The following TAF3 variants were observed in gnomAD, a reference collection of about 807,000 sequenced individuals.
TAF3 encodes the protein TATA-box binding protein associated factor 3.
Under a neutral mutation model 80.6 loss-of-function variants are expected in TAF3, and 7 were observed. That is an observed-to-expected ratio of 0.09 (90% CI 0.05 to 0.16). TAF3 has a LOEUF of 0.16. Ranked by LOEUF, TAF3 falls within the 10% of genes least tolerant of loss-of-function variation. TAF3 has a pLI of 1.00. For synonymous variants in TAF3, 444 were observed against 446.1 expected (o/e 1.00, Z 0.06); for missense variants, 921 against 1,140.2 (o/e 0.81, Z 2.77).
At chr10:7,869,166 A>G (rs1837242321) in intron 2 of TAF3, among the ~76,000 whole-genome samples, 1 of 152,212 alleles carries the variant, frequency 6.6e-6, no homozygotes, top group Non-Finnish European at 1.5e-5. Context: ...TTTAAAATGT[A>G]GATAAAAAAT....
At chr10:7,952,154 A>G (rs998271845) in intron 2 of TAF3, among the ~76,000 whole-genome samples, 6 of 152,202 alleles carry the variant, frequency 3.9e-5, no homozygotes, top group African/African-American at 1.4e-4. Flanking sequence ...TACATCCTGG[A>G]TATGGAATCT....
chr10:7,853,183 ATAAT>A (rs1837045851), intron 2 of TAF3, among the ~76,000 whole-genome samples: 1 of 152,170 alleles, frequency 6.6e-6, no homozygotes, highest in Non-Finnish European at 1.5e-5. Context: ...ATATAAACTT[ATAAT>A]TAAATAAATT....
At position 7,953,991 on chromosome 10, in the gene TAF3, G is replaced by A. The variant is rs768039805; in HGVS notation, c.410-9929G>A. Among the ~76,000 whole-genome samples, 43 of 141,548 alleles carry A rather than the reference G, an allele frequency of 3.0e-4. 3 individuals are homozygous for A. The highest frequency in any genetic ancestry group is 1.8e-3 in the South Asian group (7 of 3,964). The allele number at this position is 141,548 out of a possible 152,430, so 92.9% of individuals were successfully genotyped here. A position where few individuals can be genotyped will look rare whatever the true frequency, so the allele number is the denominator to read the frequency against. On this transcript the variant is annotated intron_variant, in intron 2 of 6. Transcript: ENST00000344293. ...CAGAGTGCACTCCACAGGTGAATGAGTGGATTAGTCCTAGTTAACACAGAG... is the reference window on the plus strand; with the variant it reads ...CAGAGTGCACTCCACAGGTGAATGAATGGATTAGTCCTAGTTAACACAGAG...
At chr10:8,012,093 C>G (rs1832061581) in intron 5 of TAF3, among the ~76,000 whole-genome samples, 2 of 152,116 alleles carry the variant, frequency 1.3e-5, no homozygotes, top group African/African-American at 2.4e-5. Flanking sequence ...GGGAAGATCA[C>G]CTGAGCCTAC....
rs1200247353 is a variant in TAF3 at position 8,009,049 on chromosome 10, A to G, written c.2316-29A>G. ...TTGGTTCGATGATGATCCTGTTTTGACTTTTACCTTCTCTTCTTTTGTTGA... is the reference window on the plus strand; with the variant it reads ...TTGGTTCGATGATGATCCTGTTTTGGCTTTTACCTTCTCTTCTTTTGTTGA... On this transcript the variant is annotated intron_variant, in intron 4 of 6. Coordinates refer to ENST00000344293, the MANE Select transcript of TAF3 (RefSeq NM_031923.4). This position sits in a 1 kb window ranked among gnomAD's most constrained non-coding sequence, Gnocchi z 4.1. 6.3e-7 allele frequency: 1 copy of G among 1,583,378 alleles called. No individual in the cohort carries two copies.
intron 2 of TAF3, among the ~76,000 whole-genome samples, chr10:7,952,018 A>G (rs1838087484): frequency 6.6e-6 from 1 of 152,218 alleles, no homozygotes; most frequent in Non-Finnish European, 1.5e-5. Flanking sequence ...ACAGAACAAT[A>G]CTATTGTCTG....
chr10:8,000,375 C>G (rs752150705), intron 4 of TAF3, among the ~76,000 whole-genome samples: 20 of 152,018 alleles, frequency 1.3e-4, no homozygotes, highest in Non-Finnish European at 2.4e-4. Context: ...TGTTGGCCTC[C>G]CAAAGTGCTG....
Position 8,015,843 on chromosome 10 carries a change from G to A in TAF3, c.*1092G>A, listed in dbSNP as rs1207962303. 6.7e-6 allele frequency: 1 copy of A among 150,144 alleles called. No individual in the cohort carries two copies. Among genetic ancestry groups the A allele is most frequent in the East Asian group, 1.9e-4 (1 of 5,146 alleles). 9.3% of individuals were successfully genotyped at this position (150,144 alleles called of 1,614,324 possible). A position where few individuals can be genotyped will look rare whatever the true frequency, so the allele number is the denominator to read the frequency against. On this transcript the variant is annotated 3_prime_UTR_variant, in exon 7 of 7. Transcript: ENST00000344293. ...CAGACTTTTACTAAAAGGACATGTA[G>A]TTTCCATGAAAGTAAAAAAAAAAAA...
chr10:7,881,731 G>T (rs1337724471), intron 2 of TAF3, among the ~76,000 whole-genome samples: 1 of 152,200 alleles, frequency 6.6e-6, no homozygotes, highest in Non-Finnish European at 1.5e-5. Flanking sequence ...GAAGTGATGT[G>T]TAGCAGAAAG....
chr10:7,876,210 T>C (rs1174469228), intron 2 of TAF3, among the ~76,000 whole-genome samples: 1 of 152,154 alleles, frequency 6.6e-6, no homozygotes, highest in Non-Finnish European at 1.5e-5. Context: ...TCGACTATTT[T>C]AGTAAGAGAA....
At chr10:7,962,134 A>G (rs1246747137) in intron 2 of TAF3, among the ~76,000 whole-genome samples, 2 of 152,186 alleles carry the variant, frequency 1.3e-5, no homozygotes, top group Non-Finnish European at 2.9e-5. Context: ...TACAGGCATG[A>G]GCCACCATGC....
intron 2 of TAF3, among the ~76,000 whole-genome samples, chr10:7,876,928 C>T (rs999497188): frequency 6.6e-6 from 1 of 152,018 alleles, no homozygotes; most frequent in Non-Finnish European, 1.5e-5. Context: ...GATTTGCTGC[C>T]TTTATCTTTA....
intron 2 of TAF3, among the ~76,000 whole-genome samples, chr10:7,864,950 TG>T (rs959090823): frequency 1.3e-5 from 2 of 152,108 alleles, no homozygotes; most frequent in African/African-American, 4.8e-5. Flanking sequence ...TTTGGGTGGC[TG>T]GGGTGGGTGG....
intron 2 of TAF3, among the ~76,000 whole-genome samples, chr10:7,843,009 A>T (rs1836933520): frequency 6.6e-6 from 1 of 152,216 alleles, no homozygotes; most frequent in South Asian, 2.1e-4. Context: ...CATGCTTTGC[A>T]CCTGCTAGGG....
chr10:7,986,274 G>A (rs1490477725), intron 4 of TAF3, among the ~76,000 whole-genome samples: 3 of 151,994 alleles, frequency 2.0e-5, no homozygotes, highest in African/African-American at 7.3e-5. Flanking sequence ...TCTCCTTCAA[G>A]AGTCAGACTA....
At chr10:7,905,271 G>A (rs909081635) in intron 2 of TAF3, among the ~76,000 whole-genome samples, 6 of 152,146 alleles carry the variant, frequency 3.9e-5, no homozygotes, top group African/African-American at 1.4e-4. Context: ...AGAGTGACAC[G>A]CGCTGCCTTG....
At chr10:7,828,139 A>C (rs903451692) in intron 2 of TAF3, among the ~76,000 whole-genome samples, 2 of 152,162 alleles carry the variant, frequency 1.3e-5, no homozygotes, top group Non-Finnish European at 2.9e-5. Flanking sequence ...AGGCCAAGGC[A>C]GGAAGATCGC....
intron 2 of TAF3, among the ~76,000 whole-genome samples, chr10:7,827,187 G>A (rs889995423): frequency 2.0e-5 from 3 of 152,246 alleles, no homozygotes; most frequent in African/African-American, 2.4e-5. Flanking sequence ...TGGACCTCAC[G>A]GCATCACTGA....
At chr10:7,978,895 G>T (rs1831697533) in intron 4 of TAF3, among the ~76,000 whole-genome samples, 2 of 152,196 alleles carry the variant, frequency 1.3e-5, no homozygotes, top group Non-Finnish European at 2.9e-5. Context: ...GCATTGAAAA[G>T]CCAGGTATGG....
Sources: gnomAD v4.1 joint callset for allele counts (sites outside exome capture counted in the v4.1 genomes callset) on GRCh38, gnomAD v4.1.1 for gene constraint, Gnocchi (gnomAD v3.1) non-coding constraint, MANE v1.5 for transcripts, NCBI Gene and HGNC (gene_info 2026-07-23, HGNC 2026-07-21) for gene names.